Variants in TNFRSF10D observed in about 807,000 individuals in gnomAD.
TNFRSF10D encodes the protein TNF receptor superfamily member 10d.
In TNFRSF10D, 28 loss-of-function variants were observed where a neutral mutation model predicts 42.1. The observed-to-expected ratio is 0.66, with a 90% CI of 0.49 to 0.91. TNFRSF10D has a LOEUF of 0.91. Ranked by LOEUF, TNFRSF10D falls within the 40% of genes least tolerant of loss-of-function variation. The probability of loss-of-function intolerance (pLI) is 0.00; values close to 1 mark genes in which losing one functional copy is unlikely to be tolerated. For synonymous variants in TNFRSF10D, 186 were observed against 189.4 expected (o/e 0.98, Z 0.15); for missense variants, 503 against 486.1 (o/e 1.03, Z -0.33).
At chr8:23,157,404 T>C (rs554165123) in intron 1 of TNFRSF10D, among the ~76,000 whole-genome samples, 1 of 152,368 alleles carries the variant, frequency 6.6e-6, no homozygotes, top group East Asian at 1.9e-4. Context: ...TGGATACTAT[T>C]ACTGACTTCC....
chr8:23,163,690 CCG>C, intron 1 of TNFRSF10D, 94 bp downstream of exon 1: 1 of 1,518,560 alleles, frequency 6.6e-7, no homozygotes, highest in Non-Finnish European at 8.8e-7. Context: ...CGCAGGCGAC[CCG>C]GGCCAAGCAT....
intron 5 of TNFRSF10D, 144 bp downstream of exon 5, chr8:23,145,524 A>T: frequency 8.0e-7 from 1 of 1,244,016 alleles, no homozygotes; most frequent in African/African-American, 1.5e-5. Flanking sequence ...GGACGTGGGG[A>T]TGGGGCGATC....
Position 23,136,119 on chromosome 8 carries a change from G to A in TNFRSF10D, c.*1751C>T, listed in dbSNP as rs886217397. 2 of 325,200 alleles carry A rather than the reference G, an allele frequency of 6.2e-6. No homozygotes were observed. Among genetic ancestry groups the A allele is most frequent in the South Asian group, 2.7e-5 (1 of 37,684 alleles). 20.1% of individuals were successfully genotyped at this position (325,200 alleles called of 1,614,324 possible). A position where few individuals can be genotyped will look rare whatever the true frequency, so the allele number is the denominator to read the frequency against. ...AACAAAACACACAATGCCTTGAGAT[G>A]GAAAAGACTGAAACCCCTAGAATGA... is the stretch of plus-strand genomic sequence containing the variant. On this transcript the variant is annotated 3_prime_UTR_variant, in exon 9 of 9. Transcript: ENST00000312584.
chr8:23,151,377 T>C (rs994596687), intron 2 of TNFRSF10D, among the ~76,000 whole-genome samples: 14 of 151,832 alleles, frequency 9.2e-5, no homozygotes, highest in Admixed American at 8.5e-4. Context: ...AGTTCATCTT[T>C]AGCATGTATT....
rs984267065 is a variant in TNFRSF10D at position 23,159,892 on chromosome 8, C to G, written c.150+3894G>C. ...AAAAAGAAGTCGTACGTGCTTTTCT[C>G]CTGTGTACCTGTCTTATGTCAATTT... On this transcript the variant is annotated intron_variant, in intron 1 of 8. Coordinates refer to ENST00000312584, the MANE Select transcript of TNFRSF10D (RefSeq NM_003840.5). 3.3e-5 allele frequency among the ~76,000 whole-genome samples: 5 copies of G among 152,032 alleles called. No homozygotes were observed. In the East Asian group the frequency reaches 7.7e-4, roughly 23 times the overall value.
chr8:23,141,242 C>T (rs1439821007), intron 7 of TNFRSF10D, among the ~76,000 whole-genome samples: 868 of 152,114 alleles, frequency 5.7e-3, no homozygotes, highest in African/African-American at 0.018. Context: ...TGGGGGCTCA[C>T]ACTTATAATA....
chr8:23,142,509 T>C (rs1417879887), intron 7 of TNFRSF10D, among the ~76,000 whole-genome samples: 1 of 152,180 alleles, frequency 6.6e-6, no homozygotes, highest in Admixed American at 6.5e-5. Context: ...CAAAACCAAA[T>C]ACTGCGTGTT....
Position 23,148,430 on chromosome 8 carries a change from T to G in TNFRSF10D, c.370+8A>C. 6.2e-7 allele frequency: 1 copy of G among 1,603,020 alleles called. No homozygotes were observed. The highest frequency in any genetic ancestry group is 1.1e-5 in the South Asian group (1 of 90,790). ...CACCTCTGGGCAAGGGGTCCACACA[T>G]TCTGTACCTGATTTACAAACTGTAC... On this transcript the variant is annotated splice_region_variant and intron_variant, in intron 3 of 8. Coordinates refer to ENST00000312584, the MANE Select transcript of TNFRSF10D (RefSeq NM_003840.5).
chr8:23,155,482 G>A (rs2128839030), intron 1 of TNFRSF10D, among the ~76,000 whole-genome samples: 1 of 152,108 alleles, frequency 6.6e-6, no homozygotes, highest in African/African-American at 2.4e-5. Flanking sequence ...CACTTTGGGA[G>A]GCCAAAGTGG....
At chr8:23,153,799 G>A (rs1300429983) in intron 2 of TNFRSF10D, among the ~76,000 whole-genome samples, 1 of 152,140 alleles carries the variant, frequency 6.6e-6, no homozygotes, top group Non-Finnish European at 1.5e-5. Flanking sequence ...ATCCATTATG[G>A]AAAACAGTAT....
At chr8:23,162,156 C>A (rs1800375890) in intron 1 of TNFRSF10D, among the ~76,000 whole-genome samples, 1 of 152,180 alleles carries the variant, frequency 6.6e-6, no homozygotes, top group Non-Finnish European at 1.5e-5. Flanking sequence ...TGTGCTAGCT[C>A]CAAAATTTTA....
rs1814356349 is a variant in TNFRSF10D, at chr8:23,137,602, G to A, written c.*268C>T. The A allele has an allele frequency of 6.3e-6, 2 of 317,392 alleles. No individual in the cohort carries two copies. Among genetic ancestry groups the A allele is most frequent in the Non-Finnish European group, 1.1e-5 (2 of 174,046 alleles). The allele number at this position is 317,392 out of a possible 1,614,324, so 19.7% of individuals were successfully genotyped here. A position where few individuals can be genotyped will look rare whatever the true frequency, so the allele number is the denominator to read the frequency against. On this transcript the variant is annotated 3_prime_UTR_variant, in exon 9 of 9. Coordinates refer to ENST00000312584, the MANE Select transcript of TNFRSF10D (RefSeq NM_003840.5). ...TTACAGGCATGAGCCACCGCATGTG[G>A]CCTAAAACGACCCTTAATACACAAT...
At chr8:23,148,298 A>C (rs906148296) in intron 3 of TNFRSF10D, 140 bp downstream of exon 3, 3 of 392,068 alleles carry the variant, frequency 7.7e-6, no homozygotes, top group Non-Finnish European at 1.4e-5. Flanking sequence ...TTTTTAATCA[A>C]CTAGTCATAA....
Position 23,152,519 on chromosome 8 carries a change from T to C in TNFRSF10D, c.256+2355A>G, listed in dbSNP as rs540849070. Among the ~76,000 whole-genome samples, 63 of 152,320 alleles carry C rather than the reference T, an allele frequency of 4.1e-4. 1 individual carries two copies. Among genetic ancestry groups the C allele is most frequent in the African/African-American group, 1.4e-3 (58 of 41,572 alleles). ...GTTGGGTTTGGGGTCAGGGAGATGA[T>C]GAACAAATGTGCTAGATCAAAAACA... On this transcript the variant is annotated intron_variant, in intron 2 of 8. Coordinates refer to ENST00000312584, the MANE Select transcript of TNFRSF10D (RefSeq NM_003840.5).
Position 23,148,928 on chromosome 8 carries a change from C to G in TNFRSF10D, c.257-377G>C, listed in dbSNP as rs537992783. On this transcript the variant is annotated intron_variant, in intron 2 of 8. Coordinates refer to ENST00000312584, the MANE Select transcript of TNFRSF10D (RefSeq NM_003840.5). Reference sequence around the variant, plus strand: ...TTTTTTGGCCAGGCACGGTGGCTCACGCCTGTAATCCCAGTACTTAGGGAG... The same window carrying G: ...TTTTTTGGCCAGGCACGGTGGCTCAGGCCTGTAATCCCAGTACTTAGGGAG... Among the ~76,000 whole-genome samples the G allele has an allele frequency of 2.0e-5, 3 of 151,360 alleles. No individual in the cohort carries two copies. The East Asian group carries it at 5.9e-4, about 30-fold the overall frequency.
rs763317596 is a variant in TNFRSF10D at position 23,137,901 on chromosome 8, T to C, written c.1130A>G (p.Asp377Gly). The C allele has an allele frequency of 6.2e-7, 1 of 1,614,182 alleles. No individual in the cohort carries two copies. Among genetic ancestry groups the C allele is most frequent in the South Asian group, 1.1e-5 (1 of 91,074 alleles). Residue 377 changes from aspartate (D) to glycine (G), a missense_variant, in exon 9 of 9, where the codon GAT (aspartate) becomes GGT (glycine). Asp to Gly is a moderately conservative substitution (Grantham distance 94, BLOSUM62 -1). Transcript: ENST00000312584. Reference protein sequence around the residue: ...VGSEKLFYEEDEAGSATSCL With the variant: ...VGSEKLFYEEGEAGSATSCL ...GCAGGACGTAGCAGAGCCTGCCTCA[T>C]CTTCTTCATAAAAGAGCTTTTCGGA...
At chr8:23,140,097 G>A (rs894249956) in intron 7 of TNFRSF10D, among the ~76,000 whole-genome samples, 3 of 152,234 alleles carry the variant, frequency 2.0e-5, no homozygotes, top group Admixed American at 6.5e-5. Flanking sequence ...AGACCATCCT[G>A]GCTAACACGG....
Position 23,137,708 on chromosome 8 carries a change from A to C in TNFRSF10D, c.*162T>G, listed in dbSNP as rs1814358870. The C allele has an allele frequency of 1.2e-6, 1 of 844,322 alleles. No homozygotes were observed. The highest frequency in any genetic ancestry group is 1.7e-5 in the African/African-American group (1 of 59,404). 52.3% of individuals were successfully genotyped at this position (844,322 alleles called of 1,614,324 possible). ...CGCAGTATTTCATAAAAATTACTCC[A>C]AGTGCGTTAACAAAGTTCTAGGACC... On this transcript the variant is annotated 3_prime_UTR_variant, in exon 9 of 9. Transcript: ENST00000312584.
chr8:23,139,874 C>T (rs1431287532), intron 7 of TNFRSF10D, among the ~76,000 whole-genome samples: 7 of 152,070 alleles, frequency 4.6e-5, no homozygotes, highest in African/African-American at 1.2e-4. Flanking sequence ...CACCGGGCAC[C>T]GTGGCTCACA....
Sources: gnomAD v4.1 joint callset for allele counts (sites outside exome capture counted in the v4.1 genomes callset) on GRCh38, gnomAD v4.1.1 for gene constraint, MANE v1.5 for transcripts, NCBI Gene and HGNC (gene_info 2026-07-23, HGNC 2026-07-21) for gene names.